CACNG3: variants seen among roughly 807,000 people sequenced by gnomAD.
The protein encoded by CACNG3 is calcium voltage-gated channel auxiliary subunit gamma 3, also known as voltage-dependent calcium channel gamma-3 subunit.
Under a neutral mutation model 28.5 loss-of-function variants are expected in CACNG3, and 3 were observed. That is an observed-to-expected ratio of 0.11 (90% CI 0.05 to 0.27). The LOEUF (loss-of-function observed/expected upper bound fraction) is 0.27. Ranked by LOEUF, CACNG3 falls within the 10% of genes least tolerant of loss-of-function variation. The pLI is 1.00. For synonymous variants in CACNG3, 174 were observed against 162.2 expected, an observed-to-expected ratio of 1.07 and a Z score of -0.55; for missense variants, 236 against 414.4, an observed-to-expected ratio of 0.57 and a Z score of 3.74.
chr16:24,305,608 G>A (rs1449983821), intron 1 of CACNG3, among the ~76,000 whole-genome samples: 6 of 152,006 alleles, frequency 3.9e-5, no homozygotes, highest in Non-Finnish European at 7.4e-5. Flanking sequence ...AGAACACATG[G>A]ACACAGGGAG....
At chr16:24,292,054 C>T (rs150193099) in intron 1 of CACNG3, among the ~76,000 whole-genome samples, 14 of 152,018 alleles carry the variant, frequency 9.2e-5, no homozygotes, top group South Asian at 4.2e-4. Context: ...GAGGTAAGAA[C>T]GTTAGGGTAA....
chr16:24,287,315 C>A (rs1164484664), intron 1 of CACNG3, among the ~76,000 whole-genome samples: 1 of 151,686 alleles, frequency 6.6e-6, no homozygotes, highest in Non-Finnish European at 1.5e-5. Flanking sequence ...GCCAGGAATT[C>A]GAGACCAGGC....
Position 24,354,888 on chromosome 16 carries a change from C to T in CACNG3, c.351C>T (p.Phe117=), listed in dbSNP as rs774241889. 6.2e-6 allele frequency: 10 copies of T among 1,612,204 alleles called. No homozygotes were observed. Among genetic ancestry groups the T allele is most frequent in the Non-Finnish European group, 6.8e-6 (8 of 1,180,006 alleles). The change falls in exon 3 of 4, where the codon TTC becomes TTT. Residue 117 remains phenylalanine, a synonymous_variant. Coordinates refer to ENST00000005284, the MANE Select transcript of CACNG3 (RefSeq NM_006539.4). ...TCCTCAGTGTCACGCTGCTGTTCTT[C>T]GGCGGGCTCTGCGTGGCAGCCAGTG... The part of the protein sequence containing the change: ...FPILSVTLLF[F]GGLCVAASEF...
intron 1 of CACNG3, among the ~76,000 whole-genome samples, chr16:24,264,659 C>A (rs1015004940): frequency 2.6e-5 from 4 of 152,172 alleles, no homozygotes; most frequent in African/African-American, 7.2e-5. Flanking sequence ...CTGCTCCCTG[C>A]AGGAACATAC....
At position 24,258,143 on chromosome 16, in the gene CACNG3, C is replaced by T. The variant is rs574680640; in HGVS notation, c.211+1178C>T. 3.3e-5 allele frequency among the ~76,000 whole-genome samples: 5 copies of T among 152,318 alleles called. No homozygotes were observed. The East Asian group carries it at 9.6e-4, about 29-fold the overall frequency. On this transcript the variant is annotated intron_variant, in intron 1 of 3. Transcript: ENST00000005284. The stretch of plus-strand genomic sequence containing the variant: ...TTCACACTGCATTTTCACTGGCTGG[C>T]ATTTGTCAGGGCTTCTTGAGAACTT...
intron 1 of CACNG3, among the ~76,000 whole-genome samples, chr16:24,289,855 C>T (rs1381418218): frequency 6.6e-6 from 1 of 152,178 alleles, no homozygotes; most frequent in Non-Finnish European, 1.5e-5. Context: ...GCGAGTTCAT[C>T]CTTATAAAAG....
chr16:24,287,723 T>C (rs1898913928), intron 1 of CACNG3, among the ~76,000 whole-genome samples: 1 of 152,106 alleles, frequency 6.6e-6, no homozygotes. Flanking sequence ...GACAGGTCAA[T>C]GTCTATGCCT....
At chr16:24,354,587 C>T (rs1485811321) in intron 2 of CACNG3, among the ~76,000 whole-genome samples, 1 of 152,220 alleles carries the variant, frequency 6.6e-6, no homozygotes, top group Non-Finnish European at 1.5e-5. Flanking sequence ...CTTCACTTCA[C>T]TTATAAAACA....
intron 1 of CACNG3, among the ~76,000 whole-genome samples, chr16:24,306,795 C>T (rs996497309): frequency 6.6e-6 from 1 of 152,164 alleles, no homozygotes; most frequent in Non-Finnish European, 1.5e-5. Context: ...CCATGAAGCC[C>T]CTCCTGGCCT....
At chr16:24,300,497 T>G (rs117064364) in intron 1 of CACNG3, among the ~76,000 whole-genome samples, 474 of 152,266 alleles carry the variant, frequency 3.1e-3, no homozygotes, top group Non-Finnish European at 5.8e-3. Context: ...TTTGAAATGT[T>G]GGCTATGATT....
In CACNG3 at chr16:24,257,368, G is replaced by GGAGAGA. The variant is rs71154293; in HGVS notation, c.211+458_211+463dup. Among the ~76,000 whole-genome samples, 60 of 52,852 alleles carry GGAGAGA rather than the reference G, an allele frequency of 1.1e-3. 10 individuals are homozygous for GGAGAGA. The highest frequency in any genetic ancestry group is 1.5e-3 in the Non-Finnish European group (43 of 28,194). The allele number at this position is 52,852 out of a possible 152,430, so 34.7% of individuals were successfully genotyped here. Reference sequence around the variant, plus strand: ...GGGACAAGAGGAAAGAAGTGAGGGGGGAGAGAGAGAGAGAGAGAGAGAGAG... The same window carrying GGAGAGA: ...GGGACAAGAGGAAAGAAGTGAGGGGGGAGAGAGAGAGAGAGAGAGAGAGAGAGAGAG... On this transcript the variant is annotated intron_variant, in intron 1 of 3. Transcript: ENST00000005284.
chr16:24,340,328 G>A (rs1455579947), intron 1 of CACNG3, among the ~76,000 whole-genome samples: 1 of 152,118 alleles, frequency 6.6e-6, no homozygotes, highest in South Asian at 2.1e-4. Context: ...AGCCCAAAAC[G>A]TCGAGGCTTC....
chr16:24,310,339 G>A (rs1458440500), intron 1 of CACNG3, among the ~76,000 whole-genome samples: 9 of 152,286 alleles, frequency 5.9e-5, no homozygotes, highest in South Asian at 4.1e-4. Context: ...CAAGGTGGGC[G>A]GATCACTTGA....
At chr16:24,262,796 T>C (rs950802614) in intron 1 of CACNG3, among the ~76,000 whole-genome samples, 1 of 152,232 alleles carries the variant, frequency 6.6e-6, no homozygotes, top group Non-Finnish European at 1.5e-5. Context: ...AGGAAGTAGA[T>C]GCCTTGAAAA....
chr16:24,291,755 G>GGAGA (rs1898971051), intron 1 of CACNG3, among the ~76,000 whole-genome samples: 1 of 152,074 alleles, frequency 6.6e-6, no homozygotes, highest in Non-Finnish European at 1.5e-5. Context: ...GTTAAAGAAA[G>GGAGA]GAGAGAGAGA....
chr16:24,296,799 C>T (rs1249804865), intron 1 of CACNG3, among the ~76,000 whole-genome samples: 1 of 152,098 alleles, frequency 6.6e-6, no homozygotes, highest in African/African-American at 2.4e-5. Context: ...GAAGGTGATG[C>T]CCTGGGCCAG....
At chr16:24,257,369 GA>G (rs371090079) in intron 1 of CACNG3, among the ~76,000 whole-genome samples, 6,150 of 19,392 alleles carry the variant, frequency 0.32, 782 homozygotes, top group Non-Finnish European at 0.41. Context: ...AGTGAGGGGG[GA>G]GAGAGAGAGA....
intron 2 of CACNG3, among the ~76,000 whole-genome samples, chr16:24,348,835 T>C (rs577937733): frequency 3.3e-5 from 5 of 152,258 alleles, no homozygotes; most frequent in African/African-American, 7.2e-5. Context: ...TGACGTTTGC[T>C]CTGTCGGAGA....
chr16:24,308,034 G>T (rs967168203), intron 1 of CACNG3, among the ~76,000 whole-genome samples: 2 of 152,122 alleles, frequency 1.3e-5, no homozygotes, highest in Non-Finnish European at 2.9e-5. Flanking sequence ...AGAAAGCAAT[G>T]GGTTTGCAGA....
Sources: gnomAD v4.1 joint callset for allele counts (sites outside exome capture counted in the v4.1 genomes callset) on GRCh38, gnomAD v4.1.1 for gene constraint, MANE v1.5 for transcripts, NCBI Gene and HGNC (gene_info 2026-07-23, HGNC 2026-07-21) for gene names.